NAALADL2: variants seen among roughly 807,000 people sequenced by gnomAD.
The protein encoded by NAALADL2 is inactive N-acetylated-alpha-linked acidic dipeptidase-like protein 2.
Under a neutral mutation model 87.2 loss-of-function variants are expected in NAALADL2, and 76 were observed. That is an observed-to-expected ratio of 0.87 (90% CI 0.72 to 1.05). The LOEUF (loss-of-function observed/expected upper bound fraction) is 1.05. Among genes scored for constraint, NAALADL2 ranks in the 50% least tolerant of loss-of-function variants. NAALADL2 has a pLI of 0.00. For missense variants in NAALADL2, 1,089 were observed against 945.8 expected, an observed-to-expected ratio of 1.15 and a Z score of -1.99; for synonymous variants, 354 against 331.0, an observed-to-expected ratio of 1.07 and a Z score of -0.75.
chr3:174,823,691 T>C (rs1371691373), intron 3 of NAALADL2, among the ~76,000 whole-genome samples: 1 of 152,192 alleles, frequency 6.6e-6, no homozygotes, highest in African/African-American at 2.4e-5. Context: ...ACATAAGTTA[T>C]TCTTTTTGCA....
chr3:174,949,394 TGGGGAGGG>T (rs1739986887), intron 1 of NAALADL2, among the ~76,000 whole-genome samples: 1 of 151,934 alleles, frequency 6.6e-6, no homozygotes, highest in Non-Finnish European at 1.5e-5. Context: ...TTCCAAGGGG[TGGGGAGGG>T]TTGTCCCTGA....
At position 175,097,048 on chromosome 3, in the gene NAALADL2, A is replaced by G. The variant is rs532724094; in HGVS notation, c.302A>G (p.Gln101Arg). The change falls in exon 2 of 14, where the codon CAA becomes CGA. Residue 101 changes from glutamine (Q) to arginine (R), a missense_variant. Transcript: ENST00000454872. ...CCCAAAGGAAGGTTCCAGAGACTTCAAGAAGAATCTGACTACATTACCCAT... is the reference window on the plus strand; with the variant it reads ...CCCAAAGGAAGGTTCCAGAGACTTCGAGAAGAATCTGACTACATTACCCAT... ...TSPKGRFQRL[Q>R]EESDYITHYT... is the part of the protein sequence containing the mutation. The G allele has an allele frequency of 6.2e-7, 1 of 1,613,768 alleles. No individual in the cohort carries two copies. Among genetic ancestry groups the G allele is most frequent in the Non-Finnish European group, 8.5e-7 (1 of 1,179,752 alleles).
At chr3:174,509,426 G>A (rs1349777756) in intron 1 of NAALADL2, among the ~76,000 whole-genome samples, 3 of 139,244 alleles carry the variant, frequency 2.2e-5, no homozygotes, top group Admixed American at 7.5e-5. Flanking sequence ...TTTTTGAGAC[G>A]GAGTCTTGCT....
chr3:175,285,449 C>T (rs1754864632), intron 4 of NAALADL2, among the ~76,000 whole-genome samples: 1 of 151,962 alleles, frequency 6.6e-6, no homozygotes, highest in Non-Finnish European at 1.5e-5. Context: ...AATAAGAAAC[C>T]TTTAAGTGGC....
chr3:175,154,516 A>G (rs1275198878), intron 2 of NAALADL2, among the ~76,000 whole-genome samples: 1 of 152,136 alleles, frequency 6.6e-6, no homozygotes, highest in African/African-American at 2.4e-5. Flanking sequence ...TTGGGTTGTT[A>G]CTAGGATTAC....
intron 1 of NAALADL2, among the ~76,000 whole-genome samples, chr3:175,072,457 T>C (rs1329264509): frequency 1.3e-5 from 2 of 151,934 alleles, no homozygotes; most frequent in Non-Finnish European, 2.9e-5. Flanking sequence ...TATCTAGCTA[T>C]GTCTAAAATG....
chr3:174,741,603 A>C (rs1326145585), intron 3 of NAALADL2, among the ~76,000 whole-genome samples: 1 of 151,636 alleles, frequency 6.6e-6, no homozygotes, highest in African/African-American at 2.4e-5. Context: ...ATAAAAGAAA[A>C]AACAATATTC....
intron 5 of NAALADL2, among the ~76,000 whole-genome samples, chr3:175,427,487 C>T (rs1046853319): frequency 1.3e-5 from 2 of 152,130 alleles, no homozygotes; most frequent in Non-Finnish European, 2.9e-5. Flanking sequence ...TGATCAAAGG[C>T]AGATGCATAT....
intron 4 of NAALADL2, among the ~76,000 whole-genome samples, chr3:175,287,031 G>A (rs1202640227): frequency 6.6e-6 from 1 of 152,040 alleles, no homozygotes; most frequent in African/African-American, 2.4e-5. Context: ...ATCCCTTGAG[G>A]CCAGCAGGCT....
At chr3:175,645,371 G>A (rs892987748) in intron 11 of NAALADL2, among the ~76,000 whole-genome samples, 3 of 151,996 alleles carry the variant, frequency 2.0e-5, no homozygotes, top group African/African-American at 7.2e-5. Flanking sequence ...TCCTCATGGG[G>A]CTGACACTCC....
chr3:174,650,288 A>G (rs188416369), intron 2 of NAALADL2, among the ~76,000 whole-genome samples: 21 of 152,228 alleles, frequency 1.4e-4, no homozygotes, highest in African/African-American at 4.6e-4. Flanking sequence ...CTCAAATACA[A>G]TTCATCAAAA....
At chr3:175,714,811 G>A (rs757722201) in intron 11 of NAALADL2, among the ~76,000 whole-genome samples, 4 of 151,904 alleles carry the variant, frequency 2.6e-5, no homozygotes, top group Admixed American at 2.6e-4. Context: ...AATGGTGTTG[G>A]GAAAACTGGC....
intron 2 of NAALADL2, among the ~76,000 whole-genome samples, chr3:174,717,614 T>C (rs1383643957): frequency 6.6e-6 from 1 of 152,168 alleles, no homozygotes; most frequent in Non-Finnish European, 1.5e-5. Flanking sequence ...GTAGTCTCAG[T>C]ATAGTAATTA....
At chr3:174,631,622 A>G (rs1443332549) in intron 2 of NAALADL2, among the ~76,000 whole-genome samples, 2 of 152,238 alleles carry the variant, frequency 1.3e-5, no homozygotes, top group African/African-American at 2.4e-5. Context: ...GACAAGAAAT[A>G]TAGAAAAACA....
intron 2 of NAALADL2, among the ~76,000 whole-genome samples, chr3:175,120,993 C>T (rs1277506609): frequency 6.6e-6 from 1 of 151,708 alleles, no homozygotes; most frequent in Non-Finnish European, 1.5e-5. Context: ...TCATGGACAC[C>T]TCTTTTTGTT....
At chr3:175,520,884 G>A (rs12494093) in intron 9 of NAALADL2, among the ~76,000 whole-genome samples, 30,542 of 151,944 alleles carry the variant, frequency 0.2, 4,357 homozygotes, top group African/African-American at 0.41. Context: ...ATGTCCAAAA[G>A]AAAGAAGAAG....
At chr3:174,847,964 CTT>C in intron 3 of NAALADL2, among the ~76,000 whole-genome samples, 5 of 150,884 alleles carry the variant, frequency 3.3e-5, no homozygotes, top group African/African-American at 1.2e-4. Context: ...CTAATAATGT[CTT>C]CAATGATTGT....
chr3:174,940,529 TGAGTTATA>T (rs1738418881), intron 1 of NAALADL2, among the ~76,000 whole-genome samples: 1 of 152,258 alleles, frequency 6.6e-6, no homozygotes, highest in Admixed American at 6.5e-5. Context: ...CCTCATAGAC[TGAGTTATA>T]GAGGAGTCCC....
chr3:175,002,109 T>C (rs1748316233), intron 1 of NAALADL2, among the ~76,000 whole-genome samples: 1 of 152,178 alleles, frequency 6.6e-6, no homozygotes, highest in South Asian at 2.1e-4. Context: ...CCTATGTGCA[T>C]TGCCCATTAC....
Sources: allele counts gnomAD v4.1 joint callset (sites outside exome capture counted in the v4.1 genomes callset), GRCh38; gene constraint gnomAD v4.1.1; transcripts MANE v1.5; gene names NCBI Gene and HGNC (gene_info 2026-07-23, HGNC 2026-07-21).